Variants in AOAH observed in about 807,000 individuals in gnomAD.
AOAH encodes the protein acyloxyacyl hydrolase, also known as acyloxyacyl hydrolase (neutrophil).
A neutral mutation model predicts 92.2 loss-of-function variants in AOAH; 64 were observed. The observed-to-expected ratio is 0.69, with a 90% CI of 0.57 to 0.86. AOAH has a LOEUF of 0.86. Ranked by LOEUF, AOAH falls within the 40% of genes least tolerant of loss-of-function variation. AOAH has a pLI of 0.00. For synonymous variants in AOAH, 263 were observed against 254.5 expected (o/e 1.03, Z -0.32); for missense variants, 656 against 694.6 (o/e 0.94, Z 0.62).
chr7:36,522,406 A>G (rs1030116161), intron 19 of AOAH, among the ~76,000 whole-genome samples: 9 of 152,200 alleles, frequency 5.9e-5, no homozygotes, highest in African/African-American at 1.9e-4. Flanking sequence ...GTCAACATCT[A>G]TTTCAGTACA....
chr7:36,694,097 A>G (rs889476449), intron 1 of AOAH, among the ~76,000 whole-genome samples: 2 of 152,224 alleles, frequency 1.3e-5, no homozygotes, highest in African/African-American at 4.8e-5. Flanking sequence ...GACTTATAAA[A>G]ATACGTTAAA....
intron 13 of AOAH, among the ~76,000 whole-genome samples, chr7:36,573,483 C>T (rs905003858): frequency 7.2e-5 from 11 of 152,098 alleles, no homozygotes; most frequent in Non-Finnish European, 1.2e-4. Context: ...TTTGGGAGGC[C>T]GAGGCTGGTG....
intron 19 of AOAH, among the ~76,000 whole-genome samples, chr7:36,523,348 A>G (rs1784208904): frequency 6.6e-6 from 1 of 152,186 alleles, no homozygotes; most frequent in Non-Finnish European, 1.5e-5. Context: ...ACTGTGTTAT[A>G]TGGTGTCCGC....
chr7:36,645,079 G>T (rs1048921051), intron 4 of AOAH, among the ~76,000 whole-genome samples: 3 of 152,208 alleles, frequency 2.0e-5, no homozygotes, highest in South Asian at 4.1e-4. Flanking sequence ...GCCCACTGGA[G>T]GAGGGAAGTG....
intron 16 of AOAH, among the ~76,000 whole-genome samples, chr7:36,537,665 C>T (rs1184750174): frequency 6.6e-6 from 1 of 152,028 alleles, no homozygotes. Context: ...ATTACAGGCA[C>T]CTGCCACCAC....
intron 12 of AOAH, among the ~76,000 whole-genome samples, chr7:36,588,279 A>G (rs1390684629): frequency 6.6e-6 from 1 of 152,190 alleles, no homozygotes; most frequent in African/African-American, 2.4e-5. Flanking sequence ...CATCTGTACC[A>G]ATGGCTACAT....
chr7:36,595,715 A>C (rs1027600014), intron 11 of AOAH, among the ~76,000 whole-genome samples: 1 of 152,158 alleles, frequency 6.6e-6, no homozygotes, highest in Non-Finnish European at 1.5e-5. Flanking sequence ...CTTGTATTTT[A>C]TCTGGGCATC....
rs201208475 is a variant in AOAH at position 36,677,956 on chromosome 7, G to GT, written c.224-3948dup. ...TTTCTTAGGGCTGGAAAGAGTGGGTGTTTGGGGGCGGATGCTAAAAGGCAT... is the reference window on the plus strand; with the variant it reads ...TTTCTTAGGGCTGGAAAGAGTGGGTGTTTTGGGGGCGGATGCTAAAAGGCAT... On this transcript the variant is annotated intron_variant, in intron 2 of 20. Transcript: ENST00000617537. Among the ~76,000 whole-genome samples the GT allele has an allele frequency of 3.4e-3, 524 of 152,220 alleles. 3 individuals are homozygous for GT. Among genetic ancestry groups the GT allele is most frequent in the African/African-American group, 0.012 (510 of 41,548 alleles).
intron 1 of AOAH, among the ~76,000 whole-genome samples, chr7:36,694,191 C>A (rs1385558491): frequency 2.0e-5 from 3 of 151,984 alleles, no homozygotes; most frequent in African/African-American, 7.3e-5. Context: ...TTAGCAAGAC[C>A]CTGTGAAAGC....
intron 11 of AOAH, among the ~76,000 whole-genome samples, chr7:36,596,689 T>C (rs1790148704): frequency 6.6e-6 from 1 of 152,134 alleles, no homozygotes; most frequent in Non-Finnish European, 1.5e-5. Context: ...ATAAATGTTT[T>C]CACAGACCCC....
At chr7:36,663,143 C>T (rs899026120) in intron 3 of AOAH, among the ~76,000 whole-genome samples, 1 of 152,110 alleles carries the variant, frequency 6.6e-6, no homozygotes, top group Non-Finnish European at 1.5e-5. Flanking sequence ...TCACATTTTT[C>T]ATTTTTAAAA....
intron 4 of AOAH, among the ~76,000 whole-genome samples, chr7:36,648,170 A>G (rs1323230085): frequency 6.6e-6 from 1 of 152,078 alleles, no homozygotes; most frequent in Non-Finnish European, 1.5e-5. Context: ...TTAGAGTTTT[A>G]AGCCTTCAAA....
At chr7:36,685,885 G>A (rs927920581) in intron 2 of AOAH, among the ~76,000 whole-genome samples, 5 of 151,814 alleles carry the variant, frequency 3.3e-5, no homozygotes, top group African/African-American at 7.3e-5. Flanking sequence ...ATGACTAAAC[G>A]GAACAACTTC....
At chr7:36,574,259 C>G (rs1362486336) in intron 13 of AOAH, among the ~76,000 whole-genome samples, 1 of 152,148 alleles carries the variant, frequency 6.6e-6, no homozygotes, top group Non-Finnish European at 1.5e-5. Context: ...AAGAAAATAT[C>G]CCCTATTCCC....
intron 4 of AOAH, among the ~76,000 whole-genome samples, chr7:36,649,101 C>G (rs1297548632): frequency 2.0e-5 from 3 of 152,086 alleles, no homozygotes; most frequent in African/African-American, 7.2e-5. Flanking sequence ...TTCTATAGCC[C>G]CTAATGTGTA....
chr7:36,579,861 G>A (rs1229158099), intron 12 of AOAH, among the ~76,000 whole-genome samples: 6 of 152,114 alleles, frequency 3.9e-5, no homozygotes, highest in Middle Eastern at 3.2e-3. Context: ...ACCCAGGATC[G>A]ATACCTTGTA....
intron 16 of AOAH, among the ~76,000 whole-genome samples, chr7:36,538,711 G>A (rs1785235170): frequency 6.6e-6 from 1 of 152,176 alleles, no homozygotes; most frequent in South Asian, 2.1e-4. Context: ...GCCCAGGTTG[G>A]TGTCCTTTCT....
chr7:36,518,775 G>C (rs2115776448), intron 20 of AOAH, among the ~76,000 whole-genome samples: 1 of 152,310 alleles, frequency 6.6e-6, no homozygotes, highest in East Asian at 1.9e-4. Context: ...AGCGGTTTCA[G>C]AGTTCATCAA....
chr7:36,678,405 GA>G lies in AOAH; in HGVS notation c.224-4397del, dbSNP rs572211825. Among the ~76,000 whole-genome samples the G allele has an allele frequency of 3.5e-3, 528 of 152,310 alleles. 1 individual carries two copies. Among genetic ancestry groups the G allele is most frequent in the Middle Eastern group, 0.01 (3 of 294 alleles). ...TTCCAAATTAAATGAAGGAGCTTTG[GA>G]AAAAAGTTAAAAGTACTGCTAATGC... On this transcript the variant is annotated intron_variant, in intron 2 of 20. Transcript: ENST00000617537.
Sources: allele counts gnomAD v4.1 joint callset (sites outside exome capture counted in the v4.1 genomes callset), GRCh38; gene constraint gnomAD v4.1.1; transcripts MANE v1.5; gene names NCBI Gene and HGNC (gene_info 2026-07-23, HGNC 2026-07-21).